PREX1: variants seen among roughly 807,000 people sequenced by gnomAD.
PREX1 encodes the protein phosphatidylinositol-3,4,5-trisphosphate dependent Rac exchange factor 1, also known as phosphatidylinositol 3,4,5-trisphosphate-dependent Rac exchanger 1 protein.
In PREX1, 41 loss-of-function variants were observed where a neutral mutation model predicts 198.3. The ratio of observed to expected loss-of-function variants is 0.21; its 90% CI spans 0.16 to 0.27. The LOEUF (loss-of-function observed/expected upper bound fraction) is 0.27. Ranked by LOEUF, PREX1 falls within the 10% of genes least tolerant of loss-of-function variation. The pLI is 1.00. For missense variants in PREX1, 1,620 were observed against 2,200.7 expected, an observed-to-expected ratio of 0.74 and a Z score of 5.28; for synonymous variants, 843 against 887.2, an observed-to-expected ratio of 0.95 and a Z score of 0.89.
At chr20:48,634,798 A>G (rs745818933) in intron 32 of PREX1, 23 bp from the exon 33 acceptor site, 2 of 1,606,292 alleles carry the variant, frequency 1.2e-6, no homozygotes, top group African/African-American at 2.7e-5. Flanking sequence ...GACAGCGCGG[A>G]GGAGTCTCAG....
intron 1 of PREX1, among the ~76,000 whole-genome samples, chr20:48,814,256 C>T (rs943474343): frequency 3.9e-5 from 6 of 152,260 alleles, no homozygotes; most frequent in African/African-American, 1.4e-4. Context: ...TCACCAGGGA[C>T]TTGGCCATGA....
At chr20:48,708,202 ACCTGTGCACCTCCTGGCCC>A in intron 6 of PREX1, 39 bp downstream of exon 6, 1 of 1,576,694 alleles carries the variant, frequency 6.3e-7, no homozygotes, top group Admixed American at 1.7e-5. Context: ...TCATGACTGC[ACCTGTGCACCTCCTGGCCC>A]CCTGCGGCCC....
the PREX1 span, among the ~76,000 whole-genome samples, chr20:48,875,946 T>C: frequency 6.6e-6 from 1 of 152,098 alleles, no homozygotes; most frequent in Non-Finnish European, 1.5e-5. Flanking sequence ...CATAGGGGAA[T>C]GCTGGACCGT....
intron 16 of PREX1, 72 bp from the exon 17 acceptor site, chr20:48,658,300 C>A (rs566354073): frequency 3.4e-6 from 5 of 1,481,774 alleles, no homozygotes; most frequent in East Asian, 4.5e-5. Flanking sequence ...CCGTGGCCCC[C>A]ACAGGACCAT....
intron 14 of PREX1, among the ~76,000 whole-genome samples, chr20:48,671,954 C>G (rs1181508674): frequency 6.6e-6 from 1 of 152,218 alleles, no homozygotes; most frequent in Non-Finnish European, 1.5e-5. Flanking sequence ...CTCCCCGTCT[C>G]CACTTGCAAC....
In PREX1 at chr20:48,659,948, C is replaced by A; in HGVS notation, c.1852G>T (p.Val618Leu). ...NKQLRNDFKL[V>L]ENILAKRLLI... The stretch of plus-strand genomic sequence containing the variant: ...AGGCGCTTGGCCAGAATGTTCTCCA[C>A]CAGCTTGAAGTCGTTGCGAAGCTGT... The change falls in exon 16 of 40, where the codon GTG becomes TTG. Residue 618 changes from valine (V) to leucine (L), a missense_variant. Val to Leu is a conservative substitution (Grantham distance 32). Transcript: ENST00000371941. 1 of 1,614,238 alleles carries A rather than the reference C, an allele frequency of 6.2e-7. No homozygotes were observed. The highest frequency in any genetic ancestry group is 8.5e-7 in the Non-Finnish European group (1 of 1,180,048).
At chr20:48,826,585 G>A (rs1163447095) in intron 1 of PREX1, among the ~76,000 whole-genome samples, 1 of 152,226 alleles carries the variant, frequency 6.6e-6, no homozygotes, top group African/African-American at 2.4e-5. Flanking sequence ...GCAGGACCCA[G>A]TAGCTCACGC....
chr20:48,869,091 T>C, the PREX1 span, among the ~76,000 whole-genome samples: 1 of 151,982 alleles, frequency 6.6e-6, no homozygotes, highest in Admixed American at 6.6e-5. Flanking sequence ...CTCAGGCTGG[T>C]CTCAAACTGC....
rs1383025696 is a variant in PREX1, at chr20:48,639,838, T to G, written c.3832A>C (p.Ile1278Leu). 1.9e-6 allele frequency: 3 copies of G among 1,614,000 alleles called. No homozygotes were observed. The East Asian group carries it at 6.7e-5, about 36-fold the overall frequency. The change falls in exon 30 of 40, where the codon ATC (isoleucine) becomes CTC (leucine). Residue 1278 changes from isoleucine to leucine, a missense_variant. Ile to Leu is a conservative substitution (Grantham distance 5, BLOSUM62 2). This residue lies in a region of PREX1 where 476 missense variants were observed against 603.4 expected (regional missense o/e 0.79). Coordinates refer to ENST00000371941, the MANE Select transcript of PREX1 (RefSeq NM_020820.4). ...GGGAGGTTCCAGGGGTCCTCCTGGA[T>G]GCTAATCTGGATCAGGCTCCGGCCA... Reference protein sequence around the residue: ...IRGRSLIQISIQEDPWNLPNS... With the variant: ...IRGRSLIQISLQEDPWNLPNS...
the PREX1 span, among the ~76,000 whole-genome samples, chr20:48,884,596 G>A: frequency 6.6e-6 from 1 of 152,146 alleles, no homozygotes; most frequent in East Asian, 1.9e-4. Flanking sequence ...TTGTGACTTT[G>A]GGTAAAGCAA....
intron 1 of PREX1, among the ~76,000 whole-genome samples, chr20:48,764,567 G>T (rs1371432548): frequency 6.6e-6 from 1 of 152,106 alleles, no homozygotes; most frequent in Non-Finnish European, 1.5e-5. Flanking sequence ...TGGATCACTT[G>T]AGGTCAGGAT....
chr20:48,651,930 T>C (rs910002098), intron 21 of PREX1, among the ~76,000 whole-genome samples: 2 of 152,194 alleles, frequency 1.3e-5, no homozygotes, highest in South Asian at 4.1e-4. Context: ...TAAGAAATGA[T>C]AGTGGCTTGG....
At chr20:48,700,215 C>G (rs1051279774) in intron 7 of PREX1, among the ~76,000 whole-genome samples, 5 of 152,170 alleles carry the variant, frequency 3.3e-5, no homozygotes, top group African/African-American at 1.2e-4. Flanking sequence ...CCTCTTGAAC[C>G]CTCAACTTTT....
chr20:48,855,362 C>T, the PREX1 span, among the ~76,000 whole-genome samples: 2 of 152,044 alleles, frequency 1.3e-5, no homozygotes, highest in African/African-American at 4.8e-5. Context: ...TGCTGAGAGA[C>T]GCTCACAGGA....
chr20:48,711,990 T>C (rs1216327650), intron 5 of PREX1, among the ~76,000 whole-genome samples: 1 of 152,244 alleles, frequency 6.6e-6, no homozygotes, highest in East Asian at 1.9e-4. Context: ...GCCACCATGC[T>C]GCCCTGGACT....
At chr20:48,771,661 T>C (rs2090236464) in intron 1 of PREX1, among the ~76,000 whole-genome samples, 1 of 151,858 alleles carries the variant, frequency 6.6e-6, no homozygotes, top group South Asian at 2.1e-4. Flanking sequence ...GCAACAAAAG[T>C]TCAAGCCTTA....
chr20:48,824,754 G>A (rs2090501345), intron 1 of PREX1, among the ~76,000 whole-genome samples: 1 of 152,088 alleles, frequency 6.6e-6, no homozygotes, highest in African/African-American at 2.4e-5. Context: ...CCAGAGCCTT[G>A]CACTTGGATT....
At chr20:48,831,456 G>A (rs942823423), upstream of PREX1, among the ~76,000 whole-genome samples, 2 of 152,164 alleles carry the variant, frequency 1.3e-5, no homozygotes, top group Non-Finnish European at 2.9e-5. Flanking sequence ...GGCATTGGGC[G>A]GGGTCCTGAG....
At chr20:48,879,963 G>T in the PREX1 span, among the ~76,000 whole-genome samples, 1 of 152,100 alleles carries the variant, frequency 6.6e-6, no homozygotes, top group South Asian at 2.1e-4. Context: ...GTCCATTTTT[G>T]TTCAGCTTTT....
Sources: allele counts gnomAD v4.1 joint callset (sites outside exome capture counted in the v4.1 genomes callset), GRCh38; gene constraint gnomAD v4.1.1; regional missense constraint gnomAD v4.1.1; transcripts MANE v1.5; gene names NCBI Gene and HGNC (gene_info 2026-07-23, HGNC 2026-07-21).